Variants in TMEM131L observed in about 807,000 individuals in gnomAD.
TMEM131L encodes transmembrane protein 131-like.
TMEM131L carries 54 observed loss-of-function variants against 192.2 expected under a neutral mutation model. That is an observed-to-expected ratio of 0.28 (90% CI 0.23 to 0.35). The LOEUF (loss-of-function observed/expected upper bound fraction) is 0.35, where lower values mean the gene tolerates loss of function less well. TMEM131L is among the 10% of genes least tolerant of loss of function. The pLI is 1.00. For missense variants in TMEM131L, 1,888 were observed against 1,972.9 expected (o/e 0.96, Z 0.82); for synonymous variants, 701 against 704.9 (o/e 0.99, Z 0.09).
rs536118969 is a variant in TMEM131L at position 153,566,325 on chromosome 4, C to T, written c.660+7957C>T. ...TAATTTTTTGTATTTTTAGTAGAGA[C>T]GGGGTTTCACCATGTTAGCCAGGAT... On this transcript the variant is annotated intron_variant, in intron 7 of 34. Transcript: ENST00000409959. Among the ~76,000 whole-genome samples the T allele has an allele frequency of 3.3e-5, 5 of 152,014 alleles. No individual in the cohort carries two copies. The South Asian group carries it at 6.2e-4, about 19-fold the overall frequency.
At chr4:153,549,913 G>C (rs1279108406) in intron 3 of TMEM131L, among the ~76,000 whole-genome samples, 160 bp from the exon 4 acceptor site, 1 of 152,110 alleles carries the variant, frequency 6.6e-6, no homozygotes, top group Non-Finnish European at 1.5e-5. Context: ...TACAACTCTA[G>C]AATTATACCA....
chr4:153,549,236 G>A (rs1737424511), intron 3 of TMEM131L, among the ~76,000 whole-genome samples: 1 of 152,176 alleles, frequency 6.6e-6, no homozygotes, highest in African/African-American at 2.4e-5. Context: ...CAAAGTGCTG[G>A]AATTACAAGC....
chr4:153,503,830 A>G (rs1245894321), intron 3 of TMEM131L, among the ~76,000 whole-genome samples: 2 of 152,264 alleles, frequency 1.3e-5, no homozygotes, highest in South Asian at 2.1e-4. Flanking sequence ...TATGTTTTAC[A>G]AAACTCACAG....
intron 3 of TMEM131L, among the ~76,000 whole-genome samples, chr4:153,542,967 G>A (rs866729674): frequency 1.3e-5 from 2 of 152,154 alleles, no homozygotes; most frequent in African/African-American, 4.8e-5. Context: ...GACTTTTGTC[G>A]CTGTCTTAGG....
chr4:153,494,333 T>A (rs1179151044), intron 3 of TMEM131L, among the ~76,000 whole-genome samples: 2 of 152,188 alleles, frequency 1.3e-5, no homozygotes, highest in African/African-American at 4.8e-5. Context: ...GGGGAAAAAT[T>A]AGGAGCAACT....
At chr4:153,537,323 G>A (rs1043327450) in intron 3 of TMEM131L, among the ~76,000 whole-genome samples, 3 of 152,142 alleles carry the variant, frequency 2.0e-5, no homozygotes, top group African/African-American at 7.2e-5. Context: ...GACCCCAAGA[G>A]AGAGTTCTTG....
chr4:153,587,451 A>C (rs1730772132), intron 14 of TMEM131L, among the ~76,000 whole-genome samples: 1 of 151,848 alleles, frequency 6.6e-6, no homozygotes, highest in South Asian at 2.1e-4. Context: ...CAGTGCAGCC[A>C]TGTGATCATA....
Position 153,467,281 on chromosome 4 carries a change from G to T in TMEM131L, c.195G>T (p.Gln65His). 6.4e-7 allele frequency: 1 copy of T among 1,551,582 alleles called. No homozygotes were observed. Among genetic ancestry groups the T allele is most frequent in the Non-Finnish European group, 8.7e-7 (1 of 1,146,854 alleles). ...AAGGGGAACTCCTGCTGCCCACTCA[G>T]GTGAGGACGACCAGGTGACAGGGCG... ...AEEGELLLPT[Q>H]GDSEEGLEEP... The change falls in exon 2 of 35, where the codon CAG becomes CAT. Residue 65 changes from glutamine to histidine, a missense_variant and splice_region_variant. Physicochemically the swap from Gln to His is conservative, Grantham distance 24. Coordinates refer to ENST00000409959, the MANE Select transcript of TMEM131L (RefSeq NM_001131007.2).
intron 3 of TMEM131L, among the ~76,000 whole-genome samples, chr4:153,481,364 C>T (rs1396224794): frequency 6.6e-6 from 1 of 152,146 alleles, no homozygotes; most frequent in Non-Finnish European, 1.5e-5. Flanking sequence ...GGGTGAAGGG[C>T]TGACAACTGG....
In TMEM131L at chr4:153,590,525, C is replaced by T. The variant is rs9307909; in HGVS notation, c.1671-528C>T. On this transcript the variant is annotated intron_variant, in intron 16 of 34. Transcript: ENST00000409959. ...TGTGCTGTGATAATTTGATAAATTA[C>T]GGTATAAACGCCCTGTTCCCTAAGG... Among the ~76,000 whole-genome samples, 1,306 of 151,976 alleles carry T rather than the reference C, an allele frequency of 8.6e-3. 14 individuals carry two copies. The highest frequency in any genetic ancestry group is 0.029 in the African/African-American group (1,206 of 41,472).
At chr4:153,625,899 C>T (rs536625214) in intron 29 of TMEM131L, among the ~76,000 whole-genome samples, 46 of 152,024 alleles carry the variant, frequency 3.0e-4, no homozygotes, top group African/African-American at 1.1e-3. Flanking sequence ...CAGAGTGAGA[C>T]TCTGTCTCAA....
At chr4:153,629,604 C>G (rs1430190433) in intron 31 of TMEM131L, among the ~76,000 whole-genome samples, 1 of 152,244 alleles carries the variant, frequency 6.6e-6, no homozygotes, top group African/African-American at 2.4e-5. Flanking sequence ...GTTGCCCATT[C>G]AAATTCCTCT....
intron 16 of TMEM131L, 42 bp from the exon 17 acceptor site, chr4:153,591,011 A>G: frequency 7.4e-7 from 1 of 1,345,364 alleles, no homozygotes; most frequent in Non-Finnish European, 9.9e-7. Flanking sequence ...ATTTTTAAAT[A>G]TCAAAATATT....
chr4:153,601,617 A>G lies in TMEM131L; in HGVS notation c.2267-535A>G, dbSNP rs540791813. On this transcript the variant is annotated intron_variant, in intron 21 of 34. Transcript: ENST00000409959. ...TATAAATTCACAAGGATATTTAAAAATTGTCATAATCTTTCTTTTTTCAAA... is the reference window on the plus strand; with the variant it reads ...TATAAATTCACAAGGATATTTAAAAGTTGTCATAATCTTTCTTTTTTCAAA... 2.9e-3 allele frequency among the ~76,000 whole-genome samples: 448 copies of G among 152,358 alleles called. 2 individuals carry two copies. Among genetic ancestry groups the G allele is most frequent in the African/African-American group, 0.01 (418 of 41,586 alleles).
At chr4:153,578,397 C>T (rs1730103778) in intron 7 of TMEM131L, among the ~76,000 whole-genome samples, 1 of 151,990 alleles carries the variant, frequency 6.6e-6, no homozygotes, top group Admixed American at 6.6e-5. Flanking sequence ...CTCTTGTCAC[C>T]CAGGCTGGAG....
intron 31 of TMEM131L, among the ~76,000 whole-genome samples, chr4:153,631,946 G>C (rs563304328): frequency 1.1e-4 from 17 of 152,282 alleles, no homozygotes; most frequent in African/African-American, 3.6e-4. Context: ...GTACCCACTG[G>C]ACTCACTTCC....
rs539490578 is a variant in TMEM131L at position 153,567,179 on chromosome 4, T to A, written c.660+8811T>A. ...ATGAGGAAATGGAAAGGGGCACATT[T>A]CTCCCTAACAAGTTACAAAATACCT... On this transcript the variant is annotated intron_variant, in intron 7 of 34. Coordinates refer to ENST00000409959, the MANE Select transcript of TMEM131L (RefSeq NM_001131007.2). Among the ~76,000 whole-genome samples, 8 of 152,194 alleles carry A rather than the reference T, an allele frequency of 5.3e-5. No individual in the cohort carries two copies. In the East Asian group the frequency reaches 1.5e-3, roughly 29 times the overall value.
intron 29 of TMEM131L, among the ~76,000 whole-genome samples, chr4:153,625,915 A>G (rs1271466761): frequency 6.6e-6 from 1 of 152,178 alleles, no homozygotes; most frequent in Non-Finnish European, 1.5e-5. Context: ...CTCAAAAAAA[A>G]CAAAACAACA....
At chr4:153,466,560 C>A (rs1730759371) in intron 1 of TMEM131L, 39 bp downstream of exon 1, 2 of 1,279,404 alleles carry the variant, frequency 1.6e-6, no homozygotes, top group Non-Finnish European at 2.0e-6. Context: ...GCCTCTCCAC[C>A]CCGCCCCCGC....
Sources: allele counts gnomAD v4.1 joint callset (sites outside exome capture counted in the v4.1 genomes callset), GRCh38; gene constraint gnomAD v4.1.1; transcripts MANE v1.5; gene names NCBI Gene and HGNC (gene_info 2026-07-23, HGNC 2026-07-21).